ZNF704: variants seen among roughly 807,000 people sequenced by gnomAD.
ZNF704 encodes the protein zinc finger protein 704, also known as glucocorticoid induced gene 1.
Under a neutral mutation model 44.7 loss-of-function variants are expected in ZNF704, and 10 were observed. That is an observed-to-expected ratio of 0.22 (90% CI 0.14 to 0.38). The LOEUF is 0.38. Among genes scored for constraint, ZNF704 ranks in the 10% least tolerant of loss-of-function variants. The pLI is 1.00. For synonymous variants in ZNF704, 211 were observed against 207.6 expected (o/e 1.02, Z -0.14); for missense variants, 390 against 545.5 (o/e 0.71, Z 2.84).
chr8:80,803,234 T>G (rs1354300352), intron 2 of ZNF704, among the ~76,000 whole-genome samples: 1 of 152,188 alleles, frequency 6.6e-6, no homozygotes, highest in African/African-American at 2.4e-5. Flanking sequence ...ATAGGAAGAA[T>G]CCGTATCATT....
At chr8:80,654,991 C>G (rs957027348) in intron 7 of ZNF704, among the ~76,000 whole-genome samples, 8 of 152,186 alleles carry the variant, frequency 5.3e-5, no homozygotes, top group African/African-American at 7.2e-5. Flanking sequence ...CACATATACA[C>G]CATGGAATAC....
intron 2 of ZNF704, among the ~76,000 whole-genome samples, chr8:80,819,045 C>T (rs1808221573): frequency 6.6e-6 from 1 of 151,974 alleles, no homozygotes; most frequent in Non-Finnish European, 1.5e-5. Context: ...TGATTAAATT[C>T]CTACTATAGC....
At chr8:80,852,203 G>A (rs896492856) in intron 1 of ZNF704, among the ~76,000 whole-genome samples, 8 of 152,124 alleles carry the variant, frequency 5.3e-5, no homozygotes, top group Non-Finnish European at 8.8e-5. Flanking sequence ...GCACTGAAAA[G>A]GAAGGGCAGG....
intron 2 of ZNF704, among the ~76,000 whole-genome samples, chr8:80,710,818 A>G (rs1040283461): frequency 6.6e-5 from 10 of 152,226 alleles, no homozygotes; most frequent in Non-Finnish European, 8.8e-5. Context: ...ATTTTGTTAT[A>G]GTAGCCTGAG....
intron 2 of ZNF704, among the ~76,000 whole-genome samples, chr8:80,818,102 C>T (rs16908054): frequency 0.21 from 32,208 of 151,928 alleles, 4,750 homozygotes; most frequent in African/African-American, 0.42. Context: ...ATGAAATAAG[C>T]GATTGAAATA....
chr8:80,646,750 C>T (rs1817841130), intron 7 of ZNF704, among the ~76,000 whole-genome samples: 1 of 152,110 alleles, frequency 6.6e-6, no homozygotes, highest in Non-Finnish European at 1.5e-5. Context: ...TAACAGCAAA[C>T]TAGAGGGAGT....
upstream of ZNF704, among the ~76,000 whole-genome samples, chr8:80,876,286 G>T (rs1315324348): frequency 6.6e-6 from 1 of 152,130 alleles, no homozygotes; most frequent in Non-Finnish European, 1.5e-5. Flanking sequence ...TTAAGAGATG[G>T]GTGTGTCTGA....
At chr8:80,755,976 G>A (rs1807027591) in intron 2 of ZNF704, among the ~76,000 whole-genome samples, 1 of 152,028 alleles carries the variant, frequency 6.6e-6, no homozygotes, top group Non-Finnish European at 1.5e-5. Flanking sequence ...GAGTGTGCTG[G>A]TACACATCTG....
At chr8:80,807,315 T>C (rs1398346442) in intron 2 of ZNF704, among the ~76,000 whole-genome samples, 1 of 152,092 alleles carries the variant, frequency 6.6e-6, no homozygotes, top group Admixed American at 6.5e-5. Context: ...GGGCTGCTGC[T>C]TGTCACTGCT....
intron 1 of ZNF704, among the ~76,000 whole-genome samples, chr8:80,833,033 T>C (rs1808495166): frequency 1.3e-5 from 2 of 152,180 alleles, no homozygotes; most frequent in Admixed American, 1.3e-4. Context: ...TAAAAACATT[T>C]GATTCTCTCA....
At chr8:80,682,867 G>C (rs1818476294) in intron 4 of ZNF704, among the ~76,000 whole-genome samples, 2 of 152,226 alleles carry the variant, frequency 1.3e-5, no homozygotes, top group Non-Finnish European at 2.9e-5. Flanking sequence ...GGAAACTGAT[G>C]CTGAAGAGGC....
At chr8:80,711,273 A>G (rs984903822) in intron 2 of ZNF704, among the ~76,000 whole-genome samples, 1 of 152,212 alleles carries the variant, frequency 6.6e-6, no homozygotes, top group Non-Finnish European at 1.5e-5. Context: ...CAACAGTCCC[A>G]GTGGCAGTGA....
At chr8:80,756,229 T>G (rs895928186) in intron 2 of ZNF704, among the ~76,000 whole-genome samples, 3 of 152,098 alleles carry the variant, frequency 2.0e-5, no homozygotes, top group African/African-American at 7.2e-5. Context: ...AAGAGCAGTA[T>G]CTCACTCCCT....
chr8:80,728,041 A>G (rs1162441813), intron 2 of ZNF704, among the ~76,000 whole-genome samples: 1 of 152,238 alleles, frequency 6.6e-6, no homozygotes, highest in African/African-American at 2.4e-5. Context: ...AAAATTTTTT[A>G]GCTCAAGAGT....
chr8:80,764,434 C>T (rs575358172), intron 2 of ZNF704, among the ~76,000 whole-genome samples: 1 of 152,288 alleles, frequency 6.6e-6, no homozygotes, highest in South Asian at 2.1e-4. Flanking sequence ...CTCATGAGAA[C>T]TCACTATCAC....
At chr8:80,779,008 T>C (rs775727822) in intron 2 of ZNF704, among the ~76,000 whole-genome samples, 3 of 151,674 alleles carry the variant, frequency 2.0e-5, no homozygotes, top group Non-Finnish European at 4.4e-5. Flanking sequence ...GAACCGAAAA[T>C]AAAATTTAAA....
At chr8:80,846,091 A>G (rs1808763397) in intron 1 of ZNF704, among the ~76,000 whole-genome samples, 1 of 152,146 alleles carries the variant, frequency 6.6e-6, no homozygotes, top group Non-Finnish European at 1.5e-5. Flanking sequence ...GATTTTTATG[A>G]GGGAATGCTG....
intron 1 of ZNF704, among the ~76,000 whole-genome samples, chr8:80,865,246 TAAAA>T (rs1334145129): frequency 6.6e-6 from 1 of 152,088 alleles, no homozygotes; most frequent in South Asian, 2.1e-4. Context: ...TGGGCCATAT[TAAAA>T]AAACGATAGC....
chr8:80,856,067 C>T (rs1022516574), intron 1 of ZNF704, among the ~76,000 whole-genome samples: 6 of 152,148 alleles, frequency 3.9e-5, no homozygotes, highest in African/African-American at 1.4e-4. Context: ...AAGTGATCCT[C>T]ACACCTCAGC....
Sources: gnomAD v4.1 joint callset for allele counts (sites outside exome capture counted in the v4.1 genomes callset) on GRCh38, gnomAD v4.1.1 for gene constraint, MANE v1.5 for transcripts, NCBI Gene and HGNC (gene_info 2026-07-23, HGNC 2026-07-21) for gene names.